FBXW8: variants seen among roughly 807,000 people sequenced by gnomAD.
The protein encoded by FBXW8 is F-box/WD repeat-containing protein 8.
FBXW8 carries 57 observed loss-of-function variants against 65.3 expected under a neutral mutation model. The ratio of observed to expected loss-of-function variants is 0.87; its 90% CI spans 0.71 to 1.09. The LOEUF (loss-of-function observed/expected upper bound fraction) is 1.09. Ranked by LOEUF, FBXW8 falls within the 50% of genes least tolerant of loss-of-function variation. The pLI is 0.00. For missense variants in FBXW8, 777 were observed against 814.8 expected (o/e 0.95, Z 0.57); for synonymous variants, 308 against 330.2 (o/e 0.93, Z 0.73).
intron 9 of FBXW8, among the ~76,000 whole-genome samples, chr12:117,026,025 T>C (rs765949259): frequency 1.3e-5 from 2 of 152,208 alleles, no homozygotes; most frequent in Non-Finnish European, 2.9e-5. Flanking sequence ...GACAGACACA[T>C]GGTCTCCTGC....
chr12:116,983,748 T>C (rs1316663822), intron 5 of FBXW8, among the ~76,000 whole-genome samples: 1 of 152,204 alleles, frequency 6.6e-6, no homozygotes, highest in Non-Finnish European at 1.5e-5. Flanking sequence ...GGAATTAGCA[T>C]TGATAGATTA....
At chr12:116,950,046 A>T (rs1883177535) in intron 4 of FBXW8, 1 of 262,732 alleles carries the variant, frequency 3.8e-6, no homozygotes, top group Non-Finnish European at 7.4e-6. Flanking sequence ...AGCAAAGATA[A>T]TAAGTGTTGG....
chr12:116,924,440 GTTC>G (rs746481283), intron 1 of FBXW8, among the ~76,000 whole-genome samples: 3 of 152,114 alleles, frequency 2.0e-5, no homozygotes, highest in Non-Finnish European at 4.4e-5. Flanking sequence ...TTCAAAATCT[GTTC>G]TTCTAGCTAT....
intron 4 of FBXW8, chr12:116,950,885 C>G (rs903488119): frequency 1.3e-5 from 2 of 152,176 alleles, no homozygotes; most frequent in Non-Finnish European, 2.9e-5. Context: ...GGTGTGAACT[C>G]CGGAAGGTAC....
At chr12:116,924,077 A>G (rs1881128393) in intron 1 of FBXW8, among the ~76,000 whole-genome samples, 1 of 152,204 alleles carries the variant, frequency 6.6e-6, no homozygotes, top group Non-Finnish European at 1.5e-5. Flanking sequence ...AGATTTCTCT[A>G]TTTTAATATT....
chr12:117,021,743 C>CGAT (rs970516695), intron 8 of FBXW8, among the ~76,000 whole-genome samples: 2 of 151,254 alleles, frequency 1.3e-5, no homozygotes, highest in Non-Finnish European at 2.9e-5. Context: ...CACTTCTTTC[C>CGAT]GATTTTTTTT....
intron 5 of FBXW8, among the ~76,000 whole-genome samples, chr12:116,970,125 C>T (rs1378351964): frequency 6.6e-6 from 1 of 152,200 alleles, no homozygotes; most frequent in Non-Finnish European, 1.5e-5. Context: ...CCTTTGGCCT[C>T]GTGCCACAGC....
chr12:116,928,014 T>C lies in FBXW8; in HGVS notation c.319-9T>C, dbSNP rs566168828. The C allele has an allele frequency of 3.8e-4, 577 of 1,504,758 alleles. 1 individual carries two copies. Among genetic ancestry groups the C allele is most frequent in the Middle Eastern group, 5.2e-4 (3 of 5,784 alleles). 93.2% of individuals were successfully genotyped at this position (1,504,758 alleles called of 1,614,324 possible). A position where few individuals can be genotyped will look rare whatever the true frequency, so the allele number is the denominator to read the frequency against. On this transcript the variant is annotated splice_polypyrimidine_tract_variant and intron_variant, in intron 1 of 10. Coordinates refer to ENST00000652555, the MANE Select transcript of FBXW8 (RefSeq NM_153348.3). ...ATTATAAACTTCTTTCTTTTTTTTT[T>C]CCCCTCAGAATGAAATGAATGATGT...
At chr12:116,996,937 G>A (rs1355352492) in intron 7 of FBXW8, among the ~76,000 whole-genome samples, 1 of 152,174 alleles carries the variant, frequency 6.6e-6, no homozygotes, top group Non-Finnish European at 1.5e-5. Context: ...GAGGCGTGTT[G>A]AGATGGAAAC....
rs570818602 is a variant in FBXW8, at chr12:117,014,720, C to G, written c.1367+4270C>G. Among the ~76,000 whole-genome samples, 211 of 152,304 alleles carry G rather than the reference C, an allele frequency of 1.4e-3. 1 individual carries two copies. Among genetic ancestry groups the G allele is most frequent in the African/African-American group, 4.8e-3 (200 of 41,550 alleles). ...GTTCAATTTCTATGCTGTTTTTGGT[C>G]TGCGCATGTGCCACATGGGTTGGCA... On this transcript the variant is annotated intron_variant, in intron 8 of 10. Transcript: ENST00000652555.
At chr12:116,943,389 CTGTT>C (rs1882732426) in intron 2 of FBXW8, among the ~76,000 whole-genome samples, 2 of 152,174 alleles carry the variant, frequency 1.3e-5, no homozygotes, top group Admixed American at 1.3e-4. Flanking sequence ...GTTGTTGCTG[CTGTT>C]TGTTTAGTGA....
intron 4 of FBXW8, among the ~76,000 whole-genome samples, chr12:116,954,100 C>T (rs1469048816): frequency 7.3e-5 from 9 of 123,204 alleles, no homozygotes; most frequent in Admixed American, 1.0e-4. Context: ...GGCGACAGGG[C>T]GACTCTGTCT....
chr12:116,926,933 T>C (rs1227870191), intron 1 of FBXW8, among the ~76,000 whole-genome samples: 2 of 152,122 alleles, frequency 1.3e-5, no homozygotes, highest in Non-Finnish European at 2.9e-5. Flanking sequence ...TTAAAAACAT[T>C]GAGGTGATTT....
At chr12:117,023,405 T>C (rs1243416964) in intron 8 of FBXW8, among the ~76,000 whole-genome samples, 1 of 152,222 alleles carries the variant, frequency 6.6e-6, no homozygotes, top group Non-Finnish European at 1.5e-5. Flanking sequence ...TTTGATTTAC[T>C]TTTAGCCTTT....
chr12:117,026,836 G>C (rs1592975831), intron 9 of FBXW8, among the ~76,000 whole-genome samples: 2 of 152,194 alleles, frequency 1.3e-5, no homozygotes, highest in Non-Finnish European at 1.5e-5. Flanking sequence ...GGTACTGCAT[G>C]AAAGTTTCAG....
At chr12:116,946,747 T>C (rs1387091018) in intron 3 of FBXW8, among the ~76,000 whole-genome samples, 1 of 151,918 alleles carries the variant, frequency 6.6e-6, no homozygotes, top group African/African-American at 2.4e-5. Context: ...GAGCCCCCAG[T>C]CCCTCTTGCC....
At chr12:116,983,336 G>C (rs559870981) in intron 5 of FBXW8, among the ~76,000 whole-genome samples, 12 of 152,284 alleles carry the variant, frequency 7.9e-5, no homozygotes, top group African/African-American at 2.9e-4. Flanking sequence ...ATAATTGCCA[G>C]GGGAATGTGC....
At chr12:117,022,426 G>A (rs775524326) in intron 8 of FBXW8, among the ~76,000 whole-genome samples, 1 of 151,466 alleles carries the variant, frequency 6.6e-6, no homozygotes, top group Non-Finnish European at 1.5e-5. Flanking sequence ...AGGCTGAGGT[G>A]GGTAGATCCC....
At chr12:116,986,502 C>T (rs1178369614) in intron 6 of FBXW8, 1 of 152,154 alleles carries the variant, frequency 6.6e-6, no homozygotes, top group Non-Finnish European at 1.5e-5. Context: ...GTGGTGGGCG[C>T]CTGTAGTCCC....
Sources: allele counts gnomAD v4.1 joint callset (sites outside exome capture counted in the v4.1 genomes callset), GRCh38; gene constraint gnomAD v4.1.1; transcripts MANE v1.5; gene names NCBI Gene and HGNC (gene_info 2026-07-23, HGNC 2026-07-21).